Variants in NCS1 observed in about 807,000 individuals in gnomAD.
The protein encoded by NCS1 is frequenin homolog.
In NCS1, 6 loss-of-function variants were observed where a neutral mutation model predicts 28.4. That is an observed-to-expected ratio of 0.21 (90% confidence interval 0.12 to 0.42). The LOEUF is 0.42. Among genes scored for constraint, NCS1 ranks in the 10% least tolerant of loss-of-function variants. The pLI, the probability that NCS1 is intolerant of heterozygous loss-of-function variation, is 1.00. For synonymous variants in NCS1, 86 were observed against 99.3 expected (o/e 0.87, Z 0.79); for missense variants, 131 against 241.4 (o/e 0.54, Z 3.03).
At position 130,226,579 on chromosome 9, in the gene NCS1, G is replaced by T; in HGVS notation, c.*17+75G>T. 1 of 1,125,098 alleles carries T rather than the reference G, an allele frequency of 8.9e-7. No homozygotes were observed. The highest frequency in any genetic ancestry group is 1.3e-6 in the Non-Finnish European group (1 of 764,874). The allele number at this position is 1,125,098 out of a possible 1,614,324, so 69.7% of individuals were successfully genotyped here. A position where few individuals can be genotyped will look rare whatever the true frequency, so the allele number is the denominator to read the frequency against. ...AAAACCCAGCAGCAGGACACCTACG[G>T]TTGGCAGGTAATTACCTGGGTCTCT... On this transcript the variant is annotated intron_variant, in intron 7 of 7. Transcript: ENST00000372398. This position sits in a 1 kb window ranked among gnomAD's most constrained non-coding sequence, Gnocchi z 4.8.
chr9:130,185,524 C>T (rs959670101), intron 1 of NCS1, among the ~76,000 whole-genome samples: 3 of 152,194 alleles, frequency 2.0e-5, no homozygotes, highest in Non-Finnish European at 2.9e-5. Flanking sequence ...GTGAGGACCC[C>T]AGACCCTTCT....
rs541020494 is a variant in NCS1 at position 130,207,456 on chromosome 9, C to T, written c.89+6474C>T. The stretch of plus-strand genomic sequence containing the variant: ...CCTTTTGCTAAGGAGACTGTGGCCT[C>T]CAGTCTCGGCATGGCTTGTTCTGTC... On this transcript the variant is annotated intron_variant, in intron 2 of 7. Coordinates refer to ENST00000372398, the MANE Select transcript of NCS1 (RefSeq NM_014286.4). 2.6e-5 allele frequency among the ~76,000 whole-genome samples: 4 copies of T among 152,354 alleles called. No homozygotes were observed. The South Asian group carries it at 6.2e-4, about 24-fold the overall frequency.
At chr9:130,182,002 C>T (rs1366353448) in intron 1 of NCS1, among the ~76,000 whole-genome samples, 2 of 151,968 alleles carry the variant, frequency 1.3e-5, no homozygotes, top group African/African-American at 2.4e-5. Context: ...GCTGCCAGGT[C>T]TGGAACCAGG....
chr9:130,226,280 C>G lies in NCS1; in HGVS notation c.475-109C>G, dbSNP rs1833413318. 2 of 903,642 alleles carry G rather than the reference C, an allele frequency of 2.2e-6. No homozygotes were observed. The highest frequency in any genetic ancestry group is 3.5e-6 in the Non-Finnish European group (2 of 563,504). The allele number at this position is 903,642 out of a possible 1,614,324, so 56.0% of individuals were successfully genotyped here. On this transcript the variant is annotated intron_variant, in intron 6 of 7. Coordinates refer to ENST00000372398, the MANE Select transcript of NCS1 (RefSeq NM_014286.4). The surrounding 1 kb of genome is among the most constrained non-coding windows in gnomAD (Gnocchi z 4.8). ...TGTAGGCCCTGAGCCACGTTGCCTC[C>G]CTCCTGATCTAACCTTGGAAGGGCT...
chr9:130,200,521 C>T (rs1477706432), intron 1 of NCS1: 11 of 1,535,020 alleles, frequency 7.2e-6, no homozygotes, highest in Non-Finnish European at 9.7e-6. Flanking sequence ...TAGCTCCCCC[C>T]ACCCCCCCAC....
At chr9:130,200,301 T>G in intron 1 of NCS1, 1 of 467,212 alleles carries the variant, frequency 2.1e-6, no homozygotes, top group Non-Finnish European at 3.8e-6. Flanking sequence ...GAAAAAGCAT[T>G]TTTGTTTGTT....
At chr9:130,217,625 G>C (rs1211556449) in intron 2 of NCS1, among the ~76,000 whole-genome samples, 1 of 152,208 alleles carries the variant, frequency 6.6e-6, no homozygotes, top group Non-Finnish European at 1.5e-5. Context: ...GAGGCTAGGA[G>C]AGGTGAAGTC....
intron 2 of NCS1, among the ~76,000 whole-genome samples, chr9:130,203,114 G>A (rs963029185): frequency 4.3e-5 from 6 of 140,496 alleles, no homozygotes; most frequent in African/African-American, 7.7e-5. Flanking sequence ...GTGTGTGTGC[G>A]TGTGTATGTA....
chr9:130,225,422 G>A (rs1444485349), intron 6 of NCS1, among the ~76,000 whole-genome samples: 6 of 152,258 alleles, frequency 3.9e-5, no homozygotes, highest in Non-Finnish European at 2.9e-5. Flanking sequence ...TGTGGAGCAC[G>A]GAATAATAAG....
At chr9:130,231,753 A>G (rs1554912154) in intron 7 of NCS1, among the ~76,000 whole-genome samples, 1 of 151,802 alleles carries the variant, frequency 6.6e-6, no homozygotes, top group Non-Finnish European at 1.5e-5. Context: ...GGTTAACTCT[A>G]TGTTTAACTT....
intron 7 of NCS1, among the ~76,000 whole-genome samples, chr9:130,227,522 T>C (rs1833433196): frequency 6.6e-6 from 1 of 152,220 alleles, no homozygotes; most frequent in African/African-American, 2.4e-5. Flanking sequence ...CCACTAGTAG[T>C]GTATGAGAGT....
At chr9:130,193,934 G>C (rs1554906496) in intron 1 of NCS1, 1 of 152,692 alleles carries the variant, frequency 6.5e-6, no homozygotes, top group East Asian at 1.9e-4. Context: ...AAACCCAAAG[G>C]CCCTCTTGCT....
chr9:130,225,814 G>A (rs988615848), intron 6 of NCS1, among the ~76,000 whole-genome samples: 1 of 152,174 alleles, frequency 6.6e-6, no homozygotes, highest in East Asian at 1.9e-4. Context: ...GGTGCTCTCC[G>A]TGGCCTTTTC....
chr9:130,211,477 C>A (rs1389156082), intron 2 of NCS1, among the ~76,000 whole-genome samples: 1 of 151,552 alleles, frequency 6.6e-6, no homozygotes, highest in Non-Finnish European at 1.5e-5. Context: ...CCTGGCCTGG[C>A]CTGAGCCAGC....
At chr9:130,173,664 G>C (rs375918079) in intron 1 of NCS1, among the ~76,000 whole-genome samples, 1 of 152,190 alleles carries the variant, frequency 6.6e-6, no homozygotes, top group African/African-American at 2.4e-5. Context: ...CTTGGAAGGG[G>C]ACAGTGGTTC....
At chr9:130,208,421 G>A (rs1833059433) in intron 2 of NCS1, among the ~76,000 whole-genome samples, 2 of 151,952 alleles carry the variant, frequency 1.3e-5, no homozygotes, top group African/African-American at 4.8e-5. Context: ...TGGGATTACA[G>A]GCACCCACCA....
rs960484151 is a variant in NCS1 at position 130,215,324 on chromosome 9, G to A, written c.90-2508G>A. ...CAGGTTTAAGGGCCAGGACGGGGGTGGCTGTGTCCCTTCCTCCTGCTGTGG... is the reference window on the plus strand; with the variant it reads ...CAGGTTTAAGGGCCAGGACGGGGGTAGCTGTGTCCCTTCCTCCTGCTGTGG... On this transcript the variant is annotated intron_variant, in intron 2 of 7. Transcript: ENST00000372398. The surrounding 1 kb of genome is among the most constrained non-coding windows in gnomAD (Gnocchi z 4.2). Among the ~76,000 whole-genome samples, 1 of 152,162 alleles carries A rather than the reference G, an allele frequency of 6.6e-6. No homozygotes were observed. Among genetic ancestry groups the A allele is most frequent in the Non-Finnish European group, 1.5e-5 (1 of 68,048 alleles).
chr9:130,228,424 A>G (rs540269215), intron 7 of NCS1, among the ~76,000 whole-genome samples: 10 of 151,630 alleles, frequency 6.6e-5, no homozygotes, highest in Admixed American at 4.6e-4. Flanking sequence ...GAGTCTCACT[A>G]TGTTGCCCAG....
At chr9:130,205,536 A>AG (rs202096349) in intron 2 of NCS1, among the ~76,000 whole-genome samples, 9,998 of 65,404 alleles carry the variant, frequency 0.15, 417 homozygotes, top group Non-Finnish European at 0.21. Flanking sequence ...CTCGTCTCTT[A>AG]GAAAAAAAAA....
Sources: allele counts gnomAD v4.1 joint callset (sites outside exome capture counted in the v4.1 genomes callset), GRCh38; gene constraint gnomAD v4.1.1; non-coding constraint Gnocchi (gnomAD v3.1); transcripts MANE v1.5; gene names NCBI Gene and HGNC (gene_info 2026-07-23, HGNC 2026-07-21).